DOCK1: variants seen among roughly 807,000 people sequenced by gnomAD.
DOCK1 encodes dedicator of cytokinesis 1.
DOCK1 carries 138 observed loss-of-function variants against 262.7 expected under a neutral mutation model. The observed-to-expected ratio is 0.53, with a 90% confidence interval of 0.46 to 0.61. The LOEUF (loss-of-function observed/expected upper bound fraction) is 0.61. DOCK1 is among the 20% of genes least tolerant of loss of function. The pLI, the probability that DOCK1 is intolerant of heterozygous loss-of-function variation, is 0.00. For synonymous variants in DOCK1, 866 were observed against 867.4 expected, an observed-to-expected ratio of 1.00 and a Z score of 0.03; for missense variants, 1,908 against 2,370.7, an observed-to-expected ratio of 0.80 and a Z score of 4.05.
intron 1 of DOCK1, among the ~76,000 whole-genome samples, chr10:126,966,974 A>G (rs1354309044): frequency 6.6e-6 from 1 of 152,172 alleles, no homozygotes; most frequent in Admixed American, 6.5e-5. Context: ...CCAGGCCATT[A>G]TAAAATGAAG....
At chr10:127,038,265 A>G (rs1282450081) in intron 19 of DOCK1, among the ~76,000 whole-genome samples, 1 of 152,022 alleles carries the variant, frequency 6.6e-6, no homozygotes, top group Admixed American at 6.6e-5. Context: ...AGTGACATAC[A>G]CCTCTAGGTG....
chr10:127,101,359 C>G lies in DOCK1; in HGVS notation c.2446-4872C>G, dbSNP rs2048235703. 1.3e-5 allele frequency among the ~76,000 whole-genome samples: 2 copies of G among 152,124 alleles called. 1 individual carries two copies. The highest frequency in any genetic ancestry group is 1.3e-4 in the Admixed American group (2 of 15,278). ...ACCCACAGTGTAAGACGTGCCTCTC[C>G]TCATGTTTCTTCTGAATTCCGTTCT... On this transcript the variant is annotated intron_variant, in intron 23 of 51. Coordinates refer to ENST00000623213, the MANE Select transcript of DOCK1 (RefSeq NM_001290223.2).
At chr10:126,955,510 C>T (rs1021424788) in intron 1 of DOCK1, among the ~76,000 whole-genome samples, 1 of 152,284 alleles carries the variant, frequency 6.6e-6, no homozygotes, top group East Asian at 1.9e-4. Flanking sequence ...ACTGATGCAG[C>T]CTGGGTGTTC....
At chr10:127,184,389 C>T (rs1564881207) in intron 27 of DOCK1, among the ~76,000 whole-genome samples, 1 of 146,372 alleles carries the variant, frequency 6.8e-6, no homozygotes, top group Non-Finnish European at 1.5e-5. Context: ...TGTTGCTTCT[C>T]CTACTGATTT....
chr10:127,328,487 T>C (rs1039713500), intron 29 of DOCK1, among the ~76,000 whole-genome samples: 11 of 152,214 alleles, frequency 7.2e-5, no homozygotes, highest in Non-Finnish European at 1.3e-4. Context: ...CACTGTATTG[T>C]TGTAGACCAG....
chr10:127,332,503 C>A (rs764432817), intron 29 of DOCK1, among the ~76,000 whole-genome samples: 1 of 152,170 alleles, frequency 6.6e-6, no homozygotes, highest in Non-Finnish European at 1.5e-5. Context: ...ACCCCCTCCA[C>A]CCCTGTTGCC....
At chr10:127,234,868 C>A (rs992008230) in intron 27 of DOCK1, among the ~76,000 whole-genome samples, 3 of 150,218 alleles carry the variant, frequency 2.0e-5, no homozygotes, top group African/African-American at 7.3e-5. Context: ...GCTTATAGGA[C>A]ATGGTGATTT....
chr10:127,389,692 G>A (rs1007064366), intron 38 of DOCK1, among the ~76,000 whole-genome samples: 1 of 152,128 alleles, frequency 6.6e-6, no homozygotes, highest in Admixed American at 6.5e-5. Flanking sequence ...GAGAGTGAGT[G>A]AGTTCTTGTG....
intron 38 of DOCK1, among the ~76,000 whole-genome samples, chr10:127,401,253 C>A (rs573812431): frequency 6.6e-6 from 1 of 152,154 alleles, no homozygotes; most frequent in Non-Finnish European, 1.5e-5. Flanking sequence ...CCGTCTCCCA[C>A]GTGGCGGTGT....
intron 21 of DOCK1, among the ~76,000 whole-genome samples, chr10:127,049,356 A>C (rs2044559104): frequency 6.6e-6 from 1 of 152,064 alleles, no homozygotes; most frequent in Non-Finnish European, 1.5e-5. Context: ...CCCCATCTCT[A>C]CTGAAAATAC....
At chr10:126,928,529 G>T (rs1469488002) in intron 1 of DOCK1, among the ~76,000 whole-genome samples, 1 of 150,696 alleles carries the variant, frequency 6.6e-6, no homozygotes, top group Non-Finnish European at 1.5e-5. Context: ...TCCTCGGCTG[G>T]TGTCCATGTG....
At chr10:127,443,985 A>C in intron 49 of DOCK1, 141 bp from the exon 50 acceptor site, 1 of 1,142,434 alleles carries the variant, frequency 8.8e-7, no homozygotes, top group South Asian at 1.5e-5. Flanking sequence ...CCTTAGCTTG[A>C]TCATTTGCAA....
At position 127,426,019 on chromosome 10, in the gene DOCK1, G is replaced by C. The variant is rs1178912313; in HGVS notation, c.4914+8G>C. The C allele has an allele frequency of 6.2e-7, 1 of 1,613,778 alleles. No individual in the cohort carries two copies. The highest frequency in any genetic ancestry group is 8.5e-7 in the Non-Finnish European group (1 of 1,179,852). On this transcript the variant is annotated splice_region_variant and intron_variant, in intron 47 of 51. Transcript: ENST00000623213. ...TACGGCGTCCGAATCATGGTAAGAG[G>C]GTAGTATGCGTAGTGTTGCAGAAGA...
At chr10:127,302,361 T>C (rs2061710628) in intron 29 of DOCK1, among the ~76,000 whole-genome samples, 1 of 152,024 alleles carries the variant, frequency 6.6e-6, no homozygotes, top group South Asian at 2.1e-4. Context: ...GGGACTAGAC[T>C]ACAGGAGAGC....
chr10:127,299,540 C>T (rs893648306), intron 29 of DOCK1, among the ~76,000 whole-genome samples: 2 of 152,190 alleles, frequency 1.3e-5, no homozygotes, highest in Non-Finnish European at 2.9e-5. Context: ...GCCAGCAACA[C>T]CAGAAACTAA....
intron 1 of DOCK1, among the ~76,000 whole-genome samples, chr10:126,911,611 T>C (rs2031773582): frequency 6.6e-6 from 1 of 151,704 alleles, no homozygotes; most frequent in Non-Finnish European, 1.5e-5. Context: ...GGGGTCAGAG[T>C]TTGAGTTTTA....
intron 1 of DOCK1, among the ~76,000 whole-genome samples, chr10:126,948,882 A>G (rs932683511): frequency 1.3e-5 from 2 of 152,016 alleles, no homozygotes; most frequent in Admixed American, 6.6e-5. Context: ...GGCCTGGCCC[A>G]GGGTAGTACT....
rs1268348742 is a variant in DOCK1 at position 127,075,336 on chromosome 10, A to G, written c.2445+13560A>G. ...ACTTAGGCTGTAGTGCAGTGGTGCA[A>G]TCTTGGCTCACTGTAGCCTTGACCT... On this transcript the variant is annotated intron_variant, in intron 23 of 51. Coordinates refer to ENST00000623213, the MANE Select transcript of DOCK1 (RefSeq NM_001290223.2). Among the ~76,000 whole-genome samples the G allele has an allele frequency of 2.6e-5, 4 of 151,946 alleles. No homozygotes were observed. The East Asian group carries it at 5.8e-4, about 22-fold the overall frequency.
chr10:127,094,426 T>G (rs2047777199), intron 23 of DOCK1, among the ~76,000 whole-genome samples: 1 of 152,114 alleles, frequency 6.6e-6, no homozygotes, highest in Non-Finnish European at 1.5e-5. Flanking sequence ...CATTCACTTT[T>G]TGCTCTACCC....
Sources: gnomAD v4.1 joint callset for allele counts (sites outside exome capture counted in the v4.1 genomes callset) on GRCh38, gnomAD v4.1.1 for gene constraint, MANE v1.5 for transcripts, NCBI Gene and HGNC (gene_info 2026-07-23, HGNC 2026-07-21) for gene names.